ZC3H12B: variants seen among roughly 807,000 people sequenced by gnomAD.
ZC3H12B encodes the protein zinc finger CCCH-type containing 12B, also known as probable ribonuclease ZC3H12B.
Under a neutral mutation model 43.9 loss-of-function variants are expected in ZC3H12B, and 7 were observed. The ratio of observed to expected loss-of-function variants is 0.16; its 90% confidence interval spans 0.09 to 0.30. The LOEUF is 0.30. Ranked by LOEUF, ZC3H12B falls within the 10% of genes least tolerant of loss-of-function variation. ZC3H12B has a pLI of 1.00. For missense variants in ZC3H12B, 475 were observed against 670.2 expected (o/e 0.71, Z 3.22); for synonymous variants, 222 against 241.7 (o/e 0.92, Z 0.76).
At chrX:65,129,426 G>A in the ZC3H12B span, among the ~76,000 whole-genome samples, 3 of 109,399 alleles carry the variant, frequency 2.7e-5, no homozygotes, top group African/African-American at 6.7e-5. Context: ...TAGGGGTGGG[G>A]CAGTTTTATA....
intron 3 of ZC3H12B, chrX:65,469,506 G>A (rs1403629620): frequency 8.6e-6 from 3 of 349,278 alleles, no homozygotes; most frequent in East Asian, 5.0e-5. Context: ...AAAGCTGGAG[G>A]ATGTAAAATT....
At chrX:65,326,811 G>A in the ZC3H12B span, among the ~76,000 whole-genome samples, 1 of 111,059 alleles carries the variant, frequency 9.0e-6, no homozygotes, top group African/African-American at 3.3e-5. Flanking sequence ...TTTTTAAAAA[G>A]AAATGGGCTA....
intron 2 of ZC3H12B, among the ~76,000 whole-genome samples, chrX:65,378,880 T>G (rs966828615): frequency 1.8e-4 from 20 of 112,454 alleles, no homozygotes; most frequent in Non-Finnish European, 3.8e-4. Context: ...ACTCCCACCC[T>G]AATACTGCGC....
the ZC3H12B span, among the ~76,000 whole-genome samples, chrX:65,285,426 G>A: frequency 1.1e-3 from 125 of 110,494 alleles, no homozygotes; most frequent in African/African-American, 4.0e-3. Flanking sequence ...TAATCAAGCT[G>A]TCTAAAGTAA....
At chrX:65,195,567 G>T in the ZC3H12B span, among the ~76,000 whole-genome samples, 1 of 112,053 alleles carries the variant, frequency 8.9e-6, no homozygotes, top group Non-Finnish European at 1.9e-5. Context: ...AAAAGATATT[G>T]TATTTTGTTA....
the ZC3H12B span, among the ~76,000 whole-genome samples, chrX:65,358,492 C>G: frequency 9.0e-6 from 1 of 111,609 alleles, no homozygotes; most frequent in Non-Finnish European, 1.9e-5. Flanking sequence ...TCTCTCGGAC[C>G]ACAGTGCAAT....
chrX:65,390,000 A>C (rs996428854), intron 2 of ZC3H12B, among the ~76,000 whole-genome samples: 2 of 112,280 alleles, frequency 1.8e-5, no homozygotes, highest in African/African-American at 6.5e-5. Flanking sequence ...AAGACTTGGA[A>C]CCAACCCAGT....
chrX:65,071,308 T>G, the ZC3H12B span, among the ~76,000 whole-genome samples: 3 of 97,956 alleles, frequency 3.1e-5, no homozygotes, highest in African/African-American at 1.4e-4. Context: ...TTTTTTTTTC[T>G]TAGTAGATTT....
the ZC3H12B span, among the ~76,000 whole-genome samples, chrX:65,351,951 G>A: frequency 3.6e-5 from 4 of 112,246 alleles, no homozygotes; most frequent in Non-Finnish European, 5.6e-5. Flanking sequence ...ATTTGATCCA[G>A]CAGTCTCATT....
At chrX:65,197,152 C>T in the ZC3H12B span, among the ~76,000 whole-genome samples, 1 of 112,139 alleles carries the variant, frequency 8.9e-6, no homozygotes, top group African/African-American at 3.2e-5. Flanking sequence ...AGACAAAGTC[C>T]ACCCCAGCAG....
At chrX:65,372,256 A>G in intron 2 of ZC3H12B, among the ~76,000 whole-genome samples, 1 of 111,986 alleles carries the variant, frequency 8.9e-6, no homozygotes. Flanking sequence ...GAAAGTTGAT[A>G]TTAGATGATG....
the ZC3H12B span, chrX:65,357,227 A>T: frequency 7.9e-6 from 3 of 380,416 alleles, no homozygotes; most frequent in Non-Finnish European, 1.4e-5. Flanking sequence ...TTTCATGAGA[A>T]TATCCAGGCA....
At chrX:65,129,556 T>G in the ZC3H12B span, among the ~76,000 whole-genome samples, 1 of 110,139 alleles carries the variant, frequency 9.1e-6, no homozygotes, top group Non-Finnish European at 1.9e-5. Context: ...TTTCACAAGG[T>G]AATGTCGTCA....
chrX:65,466,888 A>G (rs2067825712), intron 3 of ZC3H12B, among the ~76,000 whole-genome samples: 1 of 83,638 alleles, frequency 1.2e-5, no homozygotes, highest in African/African-American at 4.2e-5. Context: ...ATATATTTAT[A>G]TATATGTAAC....
At chrX:65,364,878 C>A (rs1217518239), upstream of ZC3H12B, among the ~76,000 whole-genome samples, 1 of 111,492 alleles carries the variant, frequency 9.0e-6, no homozygotes, top group Non-Finnish European at 1.9e-5. Flanking sequence ...GACTGGCAAA[C>A]TGACTTTACT....
Position 65,450,824 on chromosome X carries a change from T to C in ZC3H12B, n.408-37822T>C, listed in dbSNP as rs763045652. Among the ~76,000 whole-genome samples the C allele has an allele frequency of 5.7e-3, 370 of 65,319 alleles. 68 individuals carry two copies. The highest frequency in any genetic ancestry group is 0.056 in the African/African-American group (325 of 5,761). 56.7% of individuals were successfully genotyped at this position (65,319 alleles called of 115,157 possible). On this transcript the variant is annotated intron_variant and non_coding_transcript_variant, in intron 3 of 5. Coordinates refer to the ZC3H12B transcript ENST00000617377. ...ACATATGTGTATATATGTATATATA[T>C]ACATATGTGTATATATGTATATATA...
Position 65,424,635 on chromosome X carries a change from A to G in ZC3H12B, n.407+25931A>G, listed in dbSNP as rs1375394956. ...TAAGTATTTATTCCATCTTGAGTTG[A>G]TTTTTGTATATGGTGTAAGGAGAGG... On this transcript the variant is annotated intron_variant and non_coding_transcript_variant, in intron 3 of 5. Transcript: ENST00000617377. 1.2e-4 allele frequency among the ~76,000 whole-genome samples: 13 copies of G among 111,283 alleles called. No homozygotes were observed. The Admixed American group carries it at 1.2e-3, about 11-fold the overall frequency.
chrX:65,214,878 A>G, the ZC3H12B span, among the ~76,000 whole-genome samples: 2 of 111,647 alleles, frequency 1.8e-5, no homozygotes, highest in African/African-American at 6.5e-5. Flanking sequence ...AGTTAAAAAT[A>G]CTTCTTGATT....
chrX:65,379,465 A>G (rs2066403353), intron 2 of ZC3H12B, among the ~76,000 whole-genome samples: 1 of 112,142 alleles, frequency 8.9e-6, no homozygotes, highest in South Asian at 3.7e-4. Context: ...GTACATCACC[A>G]TCATCTAAGA....
Sources: allele counts gnomAD v4.1 joint callset (sites outside exome capture counted in the v4.1 genomes callset), GRCh38; gene constraint gnomAD v4.1.1; transcripts MANE v1.5; gene names NCBI Gene and HGNC (gene_info 2026-07-23, HGNC 2026-07-21).